FRMD5: variants seen among roughly 807,000 people sequenced by gnomAD.
FRMD5 encodes the protein FERM domain-containing protein 5.
Under a neutral mutation model 69.0 loss-of-function variants are expected in FRMD5, and 20 were observed. The ratio of observed to expected loss-of-function variants is 0.29; its 90% CI spans 0.20 to 0.42. The LOEUF (loss-of-function observed/expected upper bound fraction) is 0.42. Ranked by LOEUF, FRMD5 falls within the 10% of genes least tolerant of loss-of-function variation. The probability of loss-of-function intolerance (pLI) is 1.00; values close to 1 mark genes in which losing one functional copy is unlikely to be tolerated. For synonymous variants in FRMD5, 271 were observed against 260.1 expected (o/e 1.04, Z -0.40); for missense variants, 595 against 708.6 (o/e 0.84, Z 1.82).
intron 13 of FRMD5, among the ~76,000 whole-genome samples, chr15:43,878,823 A>G (rs1374372536): frequency 4.6e-5 from 7 of 152,056 alleles, no homozygotes; most frequent in Non-Finnish European, 8.8e-5. Flanking sequence ...GTGACATCAG[A>G]AGAGGAAAAT....
chr15:44,182,353 G>A (rs568617665), intron 1 of FRMD5, among the ~76,000 whole-genome samples: 175 of 133,538 alleles, frequency 1.3e-3, no homozygotes, highest in African/African-American at 4.8e-3. Context: ...TTTCTGAGAC[G>A]GAGTCTCGCT....
At chr15:44,165,283 G>C (rs566365767) in intron 1 of FRMD5, among the ~76,000 whole-genome samples, 6 of 152,110 alleles carry the variant, frequency 3.9e-5, no homozygotes, top group African/African-American at 1.4e-4. Context: ...GCTGGGTGTG[G>C]TGGTGGCACA....
At chr15:44,019,791 A>C (rs1891134149) in intron 1 of FRMD5, among the ~76,000 whole-genome samples, 1 of 151,208 alleles carries the variant, frequency 6.6e-6, no homozygotes, top group African/African-American at 2.4e-5. Context: ...AAAAGAAAGA[A>C]AGAAAAAAAA....
At chr15:44,109,348 GT>G in intron 1 of FRMD5, among the ~76,000 whole-genome samples, 1 of 152,024 alleles carries the variant, frequency 6.6e-6, no homozygotes, top group South Asian at 2.1e-4. Flanking sequence ...ATTTCCACTG[GT>G]TATAGAATTC....
chr15:43,984,107 C>T (rs1365341264), intron 1 of FRMD5, among the ~76,000 whole-genome samples: 1 of 152,110 alleles, frequency 6.6e-6, no homozygotes, highest in Non-Finnish European at 1.5e-5. Flanking sequence ...ATTATACATA[C>T]TATTCAACAT....
intron 1 of FRMD5, among the ~76,000 whole-genome samples, chr15:44,136,141 T>C (rs1233621309): frequency 2.0e-5 from 3 of 151,974 alleles, no homozygotes; most frequent in Non-Finnish European, 2.9e-5. Context: ...GTCTCCCGAG[T>C]AGCTGGGACT....
At chr15:44,138,835 T>A (rs2077223838) in intron 1 of FRMD5, among the ~76,000 whole-genome samples, 2 of 152,014 alleles carry the variant, frequency 1.3e-5, no homozygotes, top group Admixed American at 6.6e-5. Context: ...AGTGAAAGAA[T>A]CCAGGAACAA....
At chr15:44,078,460 CCA>C (rs1488634034) in intron 1 of FRMD5, among the ~76,000 whole-genome samples, 4 of 151,916 alleles carry the variant, frequency 2.6e-5, no homozygotes. Flanking sequence ...CTCAAGAATC[CCA>C]GAGTCAAAAC....
At chr15:44,085,295 GGAGAT>G (rs1894151959) in intron 1 of FRMD5, among the ~76,000 whole-genome samples, 1 of 152,074 alleles carries the variant, frequency 6.6e-6, no homozygotes, top group African/African-American at 2.4e-5. Context: ...TGGAAAGACA[GGAGAT>G]TAGACAAGAA....
chr15:43,995,835 T>C (rs1434155982), intron 1 of FRMD5, among the ~76,000 whole-genome samples: 1 of 152,022 alleles, frequency 6.6e-6, no homozygotes, highest in African/African-American at 2.4e-5. Context: ...GAGAGCCAGC[T>C]TGGAACCTTG....
At chr15:44,052,825 A>T (rs1892724472) in intron 1 of FRMD5, among the ~76,000 whole-genome samples, 1 of 152,220 alleles carries the variant, frequency 6.6e-6, no homozygotes, top group South Asian at 2.1e-4. Flanking sequence ...TCATTTGTTC[A>T]TTCATTCACA....
chr15:44,197,126 G>A (rs1170711996), upstream of FRMD5, among the ~76,000 whole-genome samples: 3 of 151,976 alleles, frequency 2.0e-5, no homozygotes, highest in Non-Finnish European at 2.9e-5. Flanking sequence ...GCTGGAACCC[G>A]GGAGGTAGAG....
At chr15:44,125,208 G>A (rs2077009617) in intron 1 of FRMD5, among the ~76,000 whole-genome samples, 2 of 151,892 alleles carry the variant, frequency 1.3e-5, no homozygotes, top group South Asian at 2.1e-4. Flanking sequence ...ACACTGAGGC[G>A]GGAAGATTGC....
At chr15:44,022,202 C>T (rs1410400901) in intron 1 of FRMD5, among the ~76,000 whole-genome samples, 4 of 151,956 alleles carry the variant, frequency 2.6e-5, no homozygotes, top group Non-Finnish European at 2.9e-5. Context: ...GGCTTCATGA[C>T]CATGTGTATG....
In FRMD5 at chr15:44,005,488, A is replaced by G. The variant is rs922374427; in HGVS notation, c.103-81179T>C. Among the ~76,000 whole-genome samples the G allele has an allele frequency of 4.0e-5, 6 of 151,730 alleles. No individual in the cohort carries two copies. In the East Asian group the frequency reaches 5.8e-4, roughly 15 times the overall value. Reference sequence around the variant, plus strand: ...CTCCATCTCAAAAAAAAAAAAAAAAAAAAAAGAAAAAAGAAATATCTGAGA... The same window carrying G: ...CTCCATCTCAAAAAAAAAAAAAAAAGAAAAAGAAAAAAGAAATATCTGAGA... On this transcript the variant is annotated intron_variant, in intron 1 of 13. Transcript: ENST00000417257.
chr15:44,135,689 G>C (rs1477314228), intron 1 of FRMD5, among the ~76,000 whole-genome samples: 1 of 151,916 alleles, frequency 6.6e-6, no homozygotes, highest in Non-Finnish European at 1.5e-5. Context: ...GCCAGGCGTG[G>C]TGGTGCACAC....
chr15:43,950,417 T>C (rs1026504132), intron 1 of FRMD5, among the ~76,000 whole-genome samples: 2 of 152,334 alleles, frequency 1.3e-5, no homozygotes, highest in Non-Finnish European at 2.9e-5. Context: ...CAAACAGCCA[T>C]GCTTAAACTA....
upstream of FRMD5, among the ~76,000 whole-genome samples, chr15:44,196,236 C>G (rs187241411): frequency 2.7e-3 from 415 of 152,166 alleles, 2 homozygotes; most frequent in Middle Eastern, 6.8e-3. Flanking sequence ...CCGAGGCGGG[C>G]GGATCACCTG....
chr15:44,098,986 A>G (rs113183865), intron 1 of FRMD5, among the ~76,000 whole-genome samples: 9 of 152,336 alleles, frequency 5.9e-5, no homozygotes, highest in African/African-American at 2.2e-4. Context: ...GACAGCAGTC[A>G]TATATCAAAA....
Sources: gnomAD v4.1 joint callset for allele counts (sites outside exome capture counted in the v4.1 genomes callset) on GRCh38, gnomAD v4.1.1 for gene constraint, MANE v1.5 for transcripts, NCBI Gene and HGNC (gene_info 2026-07-23, HGNC 2026-07-21) for gene names.